The following EIF2AK2 variants were observed in gnomAD, a reference collection of about 807,000 sequenced individuals.
The protein encoded by EIF2AK2 is eukaryotic translation initiation factor 2 alpha kinase 2, also known as interferon-induced, double-stranded RNA-activated protein kinase.
Under a neutral mutation model 70.5 loss-of-function variants are expected in EIF2AK2, and 40 were observed. The observed-to-expected ratio is 0.57, with a 90% CI of 0.44 to 0.74. The LOEUF is 0.74. Ranked by LOEUF, EIF2AK2 falls within the 30% of genes least tolerant of loss-of-function variation. The probability of loss-of-function intolerance (pLI) is 0.00; values close to 1 mark genes in which losing one functional copy is unlikely to be tolerated. For missense variants in EIF2AK2, 555 were observed against 644.3 expected (o/e 0.86, Z 1.50); for synonymous variants, 198 against 220.9 (o/e 0.90, Z 0.92).
intron 5 of EIF2AK2, 119 bp downstream of exon 5, chr2:37,141,434 A>C: frequency 4.1e-6 from 5 of 1,222,446 alleles, no homozygotes; most frequent in Non-Finnish European, 5.7e-6. Context: ...CAATCATGTA[A>C]AACCTTGCAT....
intron 1 of EIF2AK2, chr2:37,149,319 C>T (rs764467667): frequency 1.7e-5 from 15 of 901,370 alleles, no homozygotes; most frequent in Admixed American, 5.7e-5. Flanking sequence ...TGGTATCAAA[C>T]TATGGGGCCT....
At chr2:37,123,692 C>T (rs1275845619) in intron 11 of EIF2AK2, among the ~76,000 whole-genome samples, 1 of 152,088 alleles carries the variant, frequency 6.6e-6, no homozygotes, top group Non-Finnish European at 1.5e-5. Flanking sequence ...TGTGAAGTAC[C>T]TAATTCAGGA....
intron 12 of EIF2AK2, among the ~76,000 whole-genome samples, chr2:37,121,702 T>G (rs2148678271): frequency 6.6e-6 from 1 of 151,848 alleles, no homozygotes; most frequent in Middle Eastern, 3.4e-3. Context: ...ATTCTTTGTA[T>G]ATATGTCAGC....
intron 15 of EIF2AK2, among the ~76,000 whole-genome samples, chr2:37,107,790 C>A (rs908614744): frequency 6.6e-6 from 1 of 152,100 alleles, no homozygotes; most frequent in South Asian, 2.1e-4. Flanking sequence ...ATAGGTACTT[C>A]TAACTGTTTT....
intron 4 of EIF2AK2, among the ~76,000 whole-genome samples, chr2:37,145,211 C>T (rs1198282357): frequency 2.3e-4 from 33 of 145,196 alleles, no homozygotes; most frequent in African/African-American, 7.7e-4. Flanking sequence ...GGCACGATCT[C>T]GGCTCACTGC....
At chr2:37,107,716 C>T (rs1235608912) in intron 15 of EIF2AK2, among the ~76,000 whole-genome samples, 189 bp from the exon 16 acceptor site, 4 of 152,150 alleles carry the variant, frequency 2.6e-5, no homozygotes, top group Non-Finnish European at 5.9e-5. Context: ...CCTTGCATTA[C>T]GACATGAAGT....
rs1673883504 is a variant in EIF2AK2, at chr2:37,103,668, A to G, written c.*3605T>C. Reference sequence around the variant, plus strand: ...ATTTCCAAATCTACAGAAAAGTTCAAAGAATAATACAACAAACACCTGTGT... The same window carrying G: ...ATTTCCAAATCTACAGAAAAGTTCAGAGAATAATACAACAAACACCTGTGT... On this transcript the variant is annotated 3_prime_UTR_variant, in exon 17 of 17. Coordinates refer to ENST00000233057, the MANE Select transcript of EIF2AK2 (RefSeq NM_001135651.3). 1 of 152,244 alleles carries G rather than the reference A, an allele frequency of 6.6e-6. No homozygotes were observed. The highest frequency in any genetic ancestry group is 1.5e-5 in the Non-Finnish European group (1 of 68,040). 9.4% of individuals were successfully genotyped at this position (152,244 alleles called of 1,614,324 possible).
At position 37,126,316 on chromosome 2, in the gene EIF2AK2, A is replaced by G. The variant is rs775698165; in HGVS notation, c.881T>C (p.Val294Ala). The G allele has an allele frequency of 1.2e-6, 2 of 1,609,542 alleles. No individual in the cohort carries two copies. Among genetic ancestry groups the G allele is most frequent in the Admixed American group, 1.7e-5 (1 of 58,434 alleles). Residue 294 changes from valine to alanine, a missense_variant, in exon 11 of 17, where the codon GTT becomes GCT. Val to Ala is a moderately conservative substitution (Grantham distance 64, BLOSUM62 0). Coordinates refer to ENST00000233057, the MANE Select transcript of EIF2AK2 (RefSeq NM_001135651.3). ...GTTATTATATTTAACACGTTTAATAACGTAAGTCTTTCCGTCAATTCTGTG... is the reference window on the plus strand; with the variant it reads ...GTTATTATATTTAACACGTTTAATAGCGTAAGTCTTTCCGTCAATTCTGTG... ...AKHRIDGKTY[V>A]IKRVKYNNEK...
At chr2:37,122,870 T>C (rs994308089) in intron 11 of EIF2AK2, among the ~76,000 whole-genome samples, 14 of 151,900 alleles carry the variant, frequency 9.2e-5, no homozygotes, top group African/African-American at 3.1e-4. Flanking sequence ...ACTCTCAAGA[T>C]AAAATAAAAG....
chr2:37,111,265 A>G (rs1048071753), intron 14 of EIF2AK2, among the ~76,000 whole-genome samples: 1 of 152,246 alleles, frequency 6.6e-6, no homozygotes, highest in Admixed American at 6.5e-5. Context: ...TAACGCCACT[A>G]AACTATACAC....
intron 13 of EIF2AK2, among the ~76,000 whole-genome samples, chr2:37,115,582 G>A (rs1447135013): frequency 1.3e-5 from 2 of 152,152 alleles, no homozygotes; most frequent in African/African-American, 4.8e-5. Context: ...CCCATCCCAA[G>A]ATAGGGCTGA....
chr2:37,146,736 T>C (rs1675552969), intron 4 of EIF2AK2, 117 bp downstream of exon 4: 1 of 1,322,380 alleles, frequency 7.6e-7, no homozygotes, highest in South Asian at 1.4e-5. Context: ...AACCAAACTC[T>C]TGAATGTAAG....
At chr2:37,117,253 A>G (rs1674378795) in intron 13 of EIF2AK2, among the ~76,000 whole-genome samples, 1 of 150,942 alleles carries the variant, frequency 6.6e-6, no homozygotes, top group Non-Finnish European at 1.5e-5. Flanking sequence ...GAAAAGAAAA[A>G]GAAGCTGGGT....
At chr2:37,117,715 T>A (rs1312905958) in intron 13 of EIF2AK2, among the ~76,000 whole-genome samples, 1 of 152,114 alleles carries the variant, frequency 6.6e-6, no homozygotes, top group African/African-American at 2.4e-5. Context: ...AGACTGAACA[T>A]TTTAGAGAGA....
At chr2:37,144,881 CTTTGT>C (rs200394253) in intron 4 of EIF2AK2, among the ~76,000 whole-genome samples, 2 of 150,940 alleles carry the variant, frequency 1.3e-5, no homozygotes, top group South Asian at 4.2e-4. Flanking sequence ...CACACCCAGC[CTTTGT>C]TTTGTTTTGT....
rs543359150 is a variant in EIF2AK2, at chr2:37,142,355, A to T, written c.241-654T>A. ...GCCATATTGCCCAGGCTGTTCTCGA[A>T]CTCCTAAGCTCAAGTTATCTGCCCG... On this transcript the variant is annotated intron_variant, in intron 4 of 16. Transcript: ENST00000233057. Among the ~76,000 whole-genome samples the T allele has an allele frequency of 1.1e-4, 16 of 151,806 alleles. No homozygotes were observed. In the East Asian group the frequency reaches 2.7e-3, roughly 26 times the overall value.
At chr2:37,132,504 G>A (rs1301403926) in intron 10 of EIF2AK2, among the ~76,000 whole-genome samples, 2 of 152,134 alleles carry the variant, frequency 1.3e-5, no homozygotes, top group South Asian at 2.1e-4. Flanking sequence ...CAGGAGAATC[G>A]CTTGAACCCC....
intron 1 of EIF2AK2, among the ~76,000 whole-genome samples, chr2:37,150,591 TTG>T (rs1675708163): frequency 6.6e-6 from 1 of 152,202 alleles, no homozygotes; most frequent in Admixed American, 6.5e-5. Context: ...TGAGGACCGC[TTG>T]TAGCCGGGAA....
chr2:37,137,214 T>C lies in EIF2AK2; in HGVS notation c.688-197A>G, dbSNP rs561259556. Among the ~76,000 whole-genome samples the C allele has an allele frequency of 8.5e-5, 13 of 152,342 alleles. No homozygotes were observed. The East Asian group carries it at 1.5e-3, about 18-fold the overall frequency. ...TTTTGCCAATCTAATGAGTTTAAAA[T>C]AGTATCTAATTGTTTTGATTTAAAT... On this transcript the variant is annotated intron_variant, in intron 8 of 16. Transcript: ENST00000233057.
Sources: gnomAD v4.1 joint callset for allele counts (sites outside exome capture counted in the v4.1 genomes callset) on GRCh38, gnomAD v4.1.1 for gene constraint, MANE v1.5 for transcripts, NCBI Gene and HGNC (gene_info 2026-07-23, HGNC 2026-07-21) for gene names.